Variants in PDE1C observed in about 807,000 individuals in gnomAD.
The protein encoded by PDE1C is dual specificity calcium/calmodulin-dependent 3',5'-cyclic nucleotide phosphodiesterase 1C.
A neutral mutation model predicts 93.1 loss-of-function variants in PDE1C; 62 were observed. The observed-to-expected ratio is 0.67, with a 90% CI of 0.54 to 0.82. PDE1C has a LOEUF of 0.82. PDE1C is among the 40% of genes least tolerant of loss of function. The pLI is 0.00. For missense variants in PDE1C, 742 were observed against 884.6 expected, an observed-to-expected ratio of 0.84 and a Z score of 2.04; for synonymous variants, 325 against 310.1, an observed-to-expected ratio of 1.05 and a Z score of -0.50.
intron 1 of PDE1C, among the ~76,000 whole-genome samples, chr7:32,225,019 A>AT (rs989146501): frequency 3.2e-5 from 4 of 126,784 alleles, no homozygotes; most frequent in South Asian, 2.5e-4. Flanking sequence ...CACCTTTCTT[A>AT]TTTAAAAAAA....
intron 17 of PDE1C, among the ~76,000 whole-genome samples, chr7:31,760,804 A>G (rs1794787025): frequency 6.6e-6 from 1 of 151,352 alleles, no homozygotes; most frequent in African/African-American, 2.4e-5. Context: ...ACCAAACCAC[A>G]TATACTAAAC....
At position 32,181,965 on chromosome 7, in the gene PDE1C, G is replaced by T. The variant is rs192911211; in HGVS notation, c.137-12009C>A. 7.4e-3 allele frequency among the ~76,000 whole-genome samples: 1,126 copies of T among 152,150 alleles called. 15 individuals are homozygous for T. The highest frequency in any genetic ancestry group is 9.4e-3 in the Non-Finnish European group (638 of 68,000). ...AGATGCAATAAAAAATGATACAGGG[G>T]ATATCACCACCAATCCCACAGAAAT... On this transcript the variant is annotated intron_variant, in intron 2 of 18. Coordinates refer to the PDE1C transcript ENST00000396193.
chr7:32,427,467 T>C (rs1345848282), intron 1 of PDE1C, among the ~76,000 whole-genome samples: 1 of 152,230 alleles, frequency 6.6e-6, no homozygotes, highest in Non-Finnish European at 1.5e-5. Context: ...CAGGAATTTC[T>C]GGCCCTTTTC....
At chr7:31,868,767 CA>C (rs1385989209) in intron 6 of PDE1C, among the ~76,000 whole-genome samples, 1 of 151,638 alleles carries the variant, frequency 6.6e-6, no homozygotes, top group Non-Finnish European at 1.5e-5. Flanking sequence ...AAATCAAAGA[CA>C]AAAAATTCTA....
intron 1 of PDE1C, among the ~76,000 whole-genome samples, chr7:32,329,469 G>A (rs1481517112): frequency 6.6e-6 from 1 of 152,130 alleles, no homozygotes; most frequent in African/African-American, 2.4e-5. Context: ...CAGTGCAGGT[G>A]ACCTTGAGGT....
intron 2 of PDE1C, among the ~76,000 whole-genome samples, chr7:31,902,492 T>C (rs1235590349): frequency 6.6e-6 from 1 of 151,838 alleles, no homozygotes; most frequent in Non-Finnish European, 1.5e-5. Flanking sequence ...TATGATCTTC[T>C]TGGTAGGCAT....
chr7:32,202,541 T>C (rs921004983), intron 2 of PDE1C, among the ~76,000 whole-genome samples: 1 of 152,186 alleles, frequency 6.6e-6, no homozygotes, highest in South Asian at 2.1e-4. Flanking sequence ...CAAATCCCAA[T>C]GAATACATCT....
In PDE1C at chr7:32,068,684, G is replaced by A. The variant is rs370962867; in HGVS notation, c.101+1609C>T. Among the ~76,000 whole-genome samples the A allele has an allele frequency of 1.3e-4, 20 of 152,280 alleles. No homozygotes were observed. The South Asian group carries it at 3.5e-3, about 27-fold the overall frequency. On this transcript the variant is annotated intron_variant, in intron 1 of 17. Transcript: ENST00000396191. ...CTAATGCTTTTCCACACAAGTTCCC[G>A]CCTCAGCATTGCTGATTTGACCAAA... is the stretch of plus-strand genomic sequence containing the variant.
chr7:31,734,092 T>C, the PDE1C span, among the ~76,000 whole-genome samples: 4 of 152,138 alleles, frequency 2.6e-5, no homozygotes, highest in Admixed American at 6.5e-5. Flanking sequence ...CACCAAAACT[T>C]GATTCAGATG....
chr7:31,664,481 GAACAT>G, the PDE1C span, among the ~76,000 whole-genome samples: 2 of 152,154 alleles, frequency 1.3e-5, no homozygotes, highest in Non-Finnish European at 2.9e-5. Flanking sequence ...GAACAAAATA[GAACAT>G]AATAGAAAAT....
the PDE1C span, chr7:31,656,116 C>T: frequency 1.1e-4 from 84 of 739,090 alleles, 1 homozygote; most frequent in African/African-American, 1.5e-3. Context: ...TTTTTTGAAA[C>T]TCCTATATCA....
intron 1 of PDE1C, among the ~76,000 whole-genome samples, chr7:32,409,673 G>A (rs1294924070): frequency 1.3e-5 from 2 of 152,076 alleles, no homozygotes; most frequent in Admixed American, 6.5e-5. Flanking sequence ...ATTCCTGAGA[G>A]ACTGAAAGGA....
chr7:31,839,249 TATAC>T lies in PDE1C; in HGVS notation c.981-1282_981-1279del, dbSNP rs1204652393. Among the ~76,000 whole-genome samples, 6 of 149,596 alleles carry T rather than the reference TATAC, an allele frequency of 4.0e-5. 1 individual carries two copies. Among genetic ancestry groups the T allele is most frequent in the African/African-American group, 7.3e-5 (3 of 40,830 alleles). On this transcript the variant is annotated intron_variant, in intron 9 of 17. Coordinates refer to ENST00000396191, the MANE Select transcript of PDE1C (RefSeq NM_001191057.4). ...ACGTATATGTATGTATGTGTGTATA[TATAC>T]ATACATATATACACACATTATTTTA...
intron 3 of PDE1C, among the ~76,000 whole-genome samples, chr7:32,113,827 A>T (rs1342393875): frequency 2.0e-5 from 3 of 152,130 alleles, no homozygotes; most frequent in Non-Finnish European, 4.4e-5. Flanking sequence ...ATAATCCTAT[A>T]CACCAACAAT....
chr7:32,356,839 C>G (rs896270682), intron 1 of PDE1C, among the ~76,000 whole-genome samples: 2 of 152,130 alleles, frequency 1.3e-5, no homozygotes. Flanking sequence ...TAAGTGTATT[C>G]CAGGCTGATT....
chr7:32,369,341 A>G (rs1278053551), intron 1 of PDE1C, among the ~76,000 whole-genome samples: 2 of 152,216 alleles, frequency 1.3e-5, no homozygotes, highest in Non-Finnish European at 2.9e-5. Context: ...ATTGGAACAG[A>G]AATTTCTCAA....
chr7:32,408,094 G>T (rs1406797131), intron 1 of PDE1C, among the ~76,000 whole-genome samples: 1 of 152,164 alleles, frequency 6.6e-6, no homozygotes, highest in Non-Finnish European at 1.5e-5. Context: ...AATGTTCAGG[G>T]TTAAGAAAGA....
At chr7:32,205,375 T>C (rs982747187) in intron 2 of PDE1C, among the ~76,000 whole-genome samples, 1 of 152,180 alleles carries the variant, frequency 6.6e-6, no homozygotes, top group African/African-American at 2.4e-5. Flanking sequence ...GGTGAGGACT[T>C]GGAGAACCTT....
chr7:32,304,747 A>T (rs1364617758), intron 1 of PDE1C, among the ~76,000 whole-genome samples: 1 of 152,150 alleles, frequency 6.6e-6, no homozygotes, highest in Non-Finnish European at 1.5e-5. Context: ...GACATAAAAT[A>T]CCTATCTCAT....
Sources: gnomAD v4.1 joint callset for allele counts (sites outside exome capture counted in the v4.1 genomes callset) on GRCh38, gnomAD v4.1.1 for gene constraint, MANE v1.5 for transcripts, NCBI Gene and HGNC (gene_info 2026-07-23, HGNC 2026-07-21) for gene names.